The following RANBP17 variants were observed in gnomAD, a reference collection of about 807,000 sequenced individuals.
RANBP17 encodes RAN binding protein 17, also known as ran-binding protein 17.
A neutral mutation model predicts 141.2 loss-of-function variants in RANBP17; 158 were observed. The observed-to-expected ratio is 1.12, with a 90% CI of 0.98 to 1.28. The LOEUF is 1.28. RANBP17 is among the 50% of genes most tolerant of loss of function. The probability of loss-of-function intolerance (pLI) is 0.00; values close to 1 mark genes in which losing one functional copy is unlikely to be tolerated. For missense variants in RANBP17, 1,438 were observed against 1,290.7 expected (o/e 1.11, Z -1.75); for synonymous variants, 430 against 450.0 (o/e 0.96, Z 0.56).
At chr5:171,280,155 A>C (rs1029964503) in intron 25 of RANBP17, among the ~76,000 whole-genome samples, 1 of 152,210 alleles carries the variant, frequency 6.6e-6, no homozygotes, top group Non-Finnish European at 1.5e-5. Context: ...ACATACTTGC[A>C]GGTTAGATTA....
At chr5:171,067,140 T>C (rs1308244879) in intron 14 of RANBP17, among the ~76,000 whole-genome samples, 1 of 152,162 alleles carries the variant, frequency 6.6e-6, no homozygotes, top group Non-Finnish European at 1.5e-5. Context: ...AGTGCCAGTT[T>C]TAATTCCTTC....
At position 170,906,936 on chromosome 5, in the gene RANBP17, T is replaced by C. The variant is rs141442670; in HGVS notation, c.490-2725T>C. ...TTTTGGCTTTATATGGTGAAAAATA[T>C]AGATGGCTTCTGTGGAGACAGTTCA... On this transcript the variant is annotated intron_variant, in intron 5 of 27. Coordinates refer to ENST00000523189, the MANE Select transcript of RANBP17 (RefSeq NM_022897.5). Among the ~76,000 whole-genome samples the C allele has an allele frequency of 3.6e-3, 542 of 152,066 alleles. 4 individuals are homozygous for C. Among genetic ancestry groups the C allele is most frequent in the African/African-American group, 0.013 (523 of 41,548 alleles).
intron 14 of RANBP17, among the ~76,000 whole-genome samples, chr5:171,036,366 T>C (rs1013317461): frequency 7.2e-5 from 11 of 152,156 alleles, no homozygotes; most frequent in African/African-American, 2.2e-4. Flanking sequence ...ACAATTTCCT[T>C]CTTTTTTATG....
intron 12 of RANBP17, among the ~76,000 whole-genome samples, chr5:170,931,388 T>C (rs1044666179): frequency 6.6e-6 from 1 of 152,236 alleles, no homozygotes; most frequent in Admixed American, 6.5e-5. Flanking sequence ...TGGTAGTTTC[T>C]TTTGCTGTGC....
At chr5:171,085,337 C>G (rs554626926) in intron 14 of RANBP17, among the ~76,000 whole-genome samples, 1 of 124,410 alleles carries the variant, frequency 8.0e-6, no homozygotes, top group South Asian at 3.7e-4. Flanking sequence ...TGTTTTGGTA[C>G]CAGTACCATG....
At chr5:171,205,797 C>T in intron 20 of RANBP17, 185 bp downstream of exon 20, 2 of 692,354 alleles carry the variant, frequency 2.9e-6, no homozygotes, top group Non-Finnish European at 5.3e-6. Context: ...ATTTGGAGAC[C>T]CAGCTCAGAG....
In RANBP17 at chr5:171,090,391, A is replaced by G. The variant is rs1201247809; in HGVS notation, c.1711-79739A>G. On this transcript the variant is annotated intron_variant, in intron 14 of 27. Transcript: ENST00000523189. ...AGGCTATCTGGCAGAATAAATTTCT[A>G]AACAGCAAAGCATTCAAGAGGTGAC... is the stretch of plus-strand genomic sequence containing the variant. 3.3e-5 allele frequency among the ~76,000 whole-genome samples: 5 copies of G among 152,350 alleles called. No individual in the cohort carries two copies. The East Asian group carries it at 7.7e-4, about 24-fold the overall frequency.
intron 3 of RANBP17, among the ~76,000 whole-genome samples, chr5:170,886,300 G>A (rs910823763): frequency 6.6e-6 from 1 of 152,122 alleles, no homozygotes. Context: ...AAGGTACTTA[G>A]TAACTTCAGG....
intron 14 of RANBP17, among the ~76,000 whole-genome samples, chr5:171,072,809 A>G: frequency 6.6e-6 from 1 of 152,150 alleles, no homozygotes; most frequent in East Asian, 1.9e-4. Context: ...TAGCAGCTTT[A>G]TTTATAAATT....
At chr5:171,070,425 AT>A (rs1784567089) in intron 14 of RANBP17, among the ~76,000 whole-genome samples, 1 of 152,162 alleles carries the variant, frequency 6.6e-6, no homozygotes, top group Admixed American at 6.5e-5. Context: ...AATAAATATA[AT>A]GTTAACACTG....
chr5:171,150,383 C>T (rs959123606), intron 14 of RANBP17, among the ~76,000 whole-genome samples: 4 of 151,250 alleles, frequency 2.6e-5, no homozygotes, highest in South Asian at 2.1e-4. Flanking sequence ...ATAACAGATT[C>T]GTAATGATAG....
At chr5:171,164,046 G>A (rs1012978624) in intron 14 of RANBP17, among the ~76,000 whole-genome samples, 2 of 151,976 alleles carry the variant, frequency 1.3e-5, no homozygotes, top group African/African-American at 4.8e-5. Flanking sequence ...TAGAACCAGT[G>A]TTTTCTCTTA....
intron 20 of RANBP17, among the ~76,000 whole-genome samples, chr5:171,209,603 AAT>A (rs1219305552): frequency 6.6e-6 from 1 of 152,210 alleles, no homozygotes; most frequent in Non-Finnish European, 1.5e-5. Flanking sequence ...TAAACAATAA[AAT>A]GTCAGTGCGT....
intron 13 of RANBP17, among the ~76,000 whole-genome samples, chr5:170,961,783 T>C (rs952086323): frequency 1.3e-5 from 2 of 152,234 alleles, no homozygotes; most frequent in Admixed American, 6.5e-5. Context: ...ATTAGTCTTA[T>C]ACACTTGTTA....
intron 25 of RANBP17, among the ~76,000 whole-genome samples, chr5:171,267,133 C>G (rs567248878): frequency 6.8e-6 from 1 of 146,502 alleles, no homozygotes; most frequent in East Asian, 2.1e-4. Context: ...AGGTCTCAAG[C>G]GATCCTCACA....
intron 12 of RANBP17, among the ~76,000 whole-genome samples, chr5:170,926,435 G>A (rs549700929): frequency 1.2e-4 from 18 of 146,806 alleles, no homozygotes; most frequent in African/African-American, 4.4e-4. Flanking sequence ...TTTATTGATT[G>A]TTGTATCATC....
chr5:171,021,828 G>A lies in RANBP17; in HGVS notation c.1710+53451G>A, dbSNP rs142067679. On this transcript the variant is annotated intron_variant, in intron 14 of 27. Transcript: ENST00000523189. ...TGCACCCTTGCTGGTGAGATGTTGC[G>A]ATAATTTGGAGAAGAGTCACTCTGG... Among the ~76,000 whole-genome samples the A allele has an allele frequency of 5.9e-3, 893 of 152,254 alleles. 8 individuals carry two copies. Among genetic ancestry groups the A allele is most frequent in the African/African-American group, 0.02 (841 of 41,548 alleles).
intron 1 of RANBP17, among the ~76,000 whole-genome samples, chr5:170,868,251 T>G (rs947457750): frequency 6.6e-6 from 1 of 152,120 alleles, no homozygotes; most frequent in Non-Finnish European, 1.5e-5. Flanking sequence ...TGTTTTTGTG[T>G]GTGTGTGTGG....
intron 12 of RANBP17, among the ~76,000 whole-genome samples, chr5:170,947,115 A>G: frequency 6.6e-6 from 1 of 152,280 alleles, no homozygotes; most frequent in East Asian, 1.9e-4. Context: ...CATATCTTAT[A>G]TTGAGTATTA....
Sources: allele counts gnomAD v4.1 joint callset (sites outside exome capture counted in the v4.1 genomes callset), GRCh38; gene constraint gnomAD v4.1.1; transcripts MANE v1.5; gene names NCBI Gene and HGNC (gene_info 2026-07-23, HGNC 2026-07-21).